Variants in NMNAT2 observed in about 807,000 individuals in gnomAD.
NMNAT2 encodes the protein nicotinamide nucleotide adenylyltransferase 2, also known as nicotinamide/nicotinic acid mononucleotide adenylyltransferase 2.
Under a neutral mutation model 41.6 loss-of-function variants are expected in NMNAT2, and 11 were observed. That is an observed-to-expected ratio of 0.26 (90% CI 0.17 to 0.44). NMNAT2 has a LOEUF of 0.44. Among genes scored for constraint, NMNAT2 ranks in the 20% least tolerant of loss-of-function variants. The pLI is 1.00. For missense variants in NMNAT2, 288 were observed against 407.7 expected (o/e 0.71, Z 2.53); for synonymous variants, 148 against 151.2 (o/e 0.98, Z 0.16).
intron 1 of NMNAT2, among the ~76,000 whole-genome samples, chr1:183,382,680 AC>A: frequency 1.3e-5 from 2 of 152,344 alleles, no homozygotes; most frequent in African/African-American, 4.8e-5. Context: ...CAAGTCTGAA[AC>A]CCAGTAGGGC....
At chr1:183,405,360 C>T (rs1261756244) in intron 1 of NMNAT2, among the ~76,000 whole-genome samples, 1 of 152,180 alleles carries the variant, frequency 6.6e-6, no homozygotes, top group African/African-American at 2.4e-5. Context: ...ATTATTGAAG[C>T]TGGGTGATAG....
chr1:183,303,445 A>G (rs1661916150), intron 1 of NMNAT2, among the ~76,000 whole-genome samples: 1 of 152,234 alleles, frequency 6.6e-6, no homozygotes. Context: ...TTTCCAAATA[A>G]GGAAGCCAAG....
At chr1:183,383,470 T>G (rs116681021) in intron 1 of NMNAT2, among the ~76,000 whole-genome samples, 28 of 152,306 alleles carry the variant, frequency 1.8e-4, no homozygotes, top group Admixed American at 5.2e-4. Flanking sequence ...TTCTACCACA[T>G]GGTCAGGTTA....
chr1:183,313,111 C>G (rs181478061), intron 1 of NMNAT2, among the ~76,000 whole-genome samples: 1 of 152,098 alleles, frequency 6.6e-6, no homozygotes, highest in Non-Finnish European at 1.5e-5. Context: ...CCCTCCTCCC[C>G]CAACACGCAC....
chr1:183,344,942 T>C (rs576519317), intron 1 of NMNAT2, among the ~76,000 whole-genome samples: 1 of 152,326 alleles, frequency 6.6e-6, no homozygotes, highest in Non-Finnish European at 1.5e-5. Context: ...CCAGCTGCTC[T>C]GTGTCTGTCC....
chr1:183,377,888 A>T (rs559756981), intron 1 of NMNAT2, among the ~76,000 whole-genome samples: 1 of 152,312 alleles, frequency 6.6e-6, no homozygotes, highest in South Asian at 2.1e-4. Context: ...CAGATAGGTA[A>T]TTTTTTCAGG....
intron 1 of NMNAT2, among the ~76,000 whole-genome samples, chr1:183,323,089 G>T (rs1662386435): frequency 6.6e-6 from 1 of 152,078 alleles, no homozygotes; most frequent in African/African-American, 2.4e-5. Flanking sequence ...GAGCCACCAT[G>T]CCAGGCTTAT....
intron 1 of NMNAT2, among the ~76,000 whole-genome samples, chr1:183,321,770 A>C (rs1662360371): frequency 6.6e-6 from 1 of 151,936 alleles, no homozygotes; most frequent in Admixed American, 6.6e-5. Flanking sequence ...AAAGAAACAA[A>C]TATGTTACTT....
At chr1:183,292,881 T>C (rs755119726) in intron 2 of NMNAT2, 24 bp from the exon 3 acceptor site, 1 of 1,611,910 alleles carries the variant, frequency 6.2e-7, no homozygotes. Context: ...GAGCAATCAT[T>C]GGGAGACTCC....
At chr1:183,396,567 A>T (rs1648656705) in intron 1 of NMNAT2, among the ~76,000 whole-genome samples, 1 of 152,108 alleles carries the variant, frequency 6.6e-6, no homozygotes, top group East Asian at 1.9e-4. Flanking sequence ...TCCAGTAAGC[A>T]CACTGCACAT....
rs111662908 is a variant in NMNAT2 at position 183,334,313 on chromosome 1, C to T, written c.86-40520G>A. ...GACTCCTGACCTCAGGAGATCCATCCGCCTCAGCCTTCCAAAGCGCTGGGA... is the reference window on the plus strand; with the variant it reads ...GACTCCTGACCTCAGGAGATCCATCTGCCTCAGCCTTCCAAAGCGCTGGGA... On this transcript the variant is annotated intron_variant, in intron 1 of 10. Transcript: ENST00000287713. Among the ~76,000 whole-genome samples, 192 of 152,124 alleles carry T rather than the reference C, an allele frequency of 1.3e-3. 2 individuals carry two copies. Among genetic ancestry groups the T allele is most frequent in the African/African-American group, 4.0e-3 (166 of 41,498 alleles).
At chr1:183,324,047 G>A (rs995672703) in intron 1 of NMNAT2, among the ~76,000 whole-genome samples, 5 of 152,196 alleles carry the variant, frequency 3.3e-5, no homozygotes, top group Non-Finnish European at 7.3e-5. Context: ...ACCCAGTGGT[G>A]AGTCAGGGTG....
At position 183,341,984 on chromosome 1, in the gene NMNAT2, A is replaced by G. The variant is rs1662827734; in HGVS notation, c.86-48191T>C. ...GAGGGGGAAGTTTCCTCCCAGACCA[A>G]TTACATCCATGTGGTTGTCTTTATC... On this transcript the variant is annotated intron_variant, in intron 1 of 10. Transcript: ENST00000287713. Among the ~76,000 whole-genome samples the G allele has an allele frequency of 2.0e-5, 3 of 149,296 alleles. No individual in the cohort carries two copies. The South Asian group carries it at 6.4e-4, about 32-fold the overall frequency.
At chr1:183,357,155 C>G (rs1055858061) in intron 1 of NMNAT2, among the ~76,000 whole-genome samples, 2 of 149,534 alleles carry the variant, frequency 1.3e-5, no homozygotes, top group Non-Finnish European at 3.0e-5. Context: ...TAAAACAATA[C>G]ACAGGAGAAG....
At chr1:183,415,228 C>T (rs1571648147) in intron 1 of NMNAT2, among the ~76,000 whole-genome samples, 2 of 152,188 alleles carry the variant, frequency 1.3e-5, no homozygotes, top group East Asian at 3.8e-4. Flanking sequence ...GTGTTAATGT[C>T]CATCTTCACC....
At chr1:183,318,436 G>C (rs968946567) in intron 1 of NMNAT2, among the ~76,000 whole-genome samples, 34 of 152,288 alleles carry the variant, frequency 2.2e-4, no homozygotes, top group Admixed American at 2.0e-3. Context: ...TTCTGTGCTC[G>C]GAAGTCAGGG....
intron 1 of NMNAT2, among the ~76,000 whole-genome samples, chr1:183,312,040 T>C (rs1435943928): frequency 2.0e-5 from 3 of 152,080 alleles, no homozygotes; most frequent in Non-Finnish European, 4.4e-5. Context: ...CCAACCACAA[T>C]TGTGAGGCCT....
intron 1 of NMNAT2, among the ~76,000 whole-genome samples, chr1:183,307,260 G>C (rs1662013933): frequency 6.6e-6 from 1 of 151,866 alleles, no homozygotes; most frequent in Admixed American, 6.6e-5. Flanking sequence ...ACTACAACCA[G>C]ACCCTGGTAT....
At chr1:183,345,688 C>CT (rs5779171) in intron 1 of NMNAT2, among the ~76,000 whole-genome samples, 81 of 121,994 alleles carry the variant, frequency 6.6e-4, no homozygotes, top group African/African-American at 8.6e-4. Flanking sequence ...ATATCCTTTT[C>CT]TTTTTTTTTT....
Sources: gnomAD v4.1 joint callset for allele counts (sites outside exome capture counted in the v4.1 genomes callset) on GRCh38, gnomAD v4.1.1 for gene constraint, MANE v1.5 for transcripts, NCBI Gene and HGNC (gene_info 2026-07-23, HGNC 2026-07-21) for gene names.